ATRNL1: variants seen among roughly 807,000 people sequenced by gnomAD.
The protein encoded by ATRNL1 is attractin-like protein 1.
Under a neutral mutation model 182.7 loss-of-function variants are expected in ATRNL1, and 95 were observed. The observed-to-expected ratio is 0.52, with a 90% CI of 0.44 to 0.62. The LOEUF (loss-of-function observed/expected upper bound fraction) is 0.62, where lower values mean the gene tolerates loss of function less well. Ranked by LOEUF, ATRNL1 falls within the 20% of genes least tolerant of loss-of-function variation. The pLI is 0.00. For synonymous variants in ATRNL1, 576 were observed against 568.3 expected (o/e 1.01, Z -0.19); for missense variants, 1,471 against 1,679.5 (o/e 0.88, Z 2.17).
chr10:115,811,114 A>G (rs782732909), intron 27 of ATRNL1, among the ~76,000 whole-genome samples: 2 of 151,920 alleles, frequency 1.3e-5, no homozygotes, highest in Non-Finnish European at 2.9e-5. Context: ...ATAAGCATTT[A>G]ATGCTATAAA....
chr10:115,813,893 A>G (rs1418888189), intron 27 of ATRNL1, among the ~76,000 whole-genome samples: 2 of 152,168 alleles, frequency 1.3e-5, no homozygotes, highest in African/African-American at 4.8e-5. Flanking sequence ...ACATTCATAG[A>G]TCATCTTGTA....
intron 10 of ATRNL1, among the ~76,000 whole-genome samples, chr10:115,262,785 G>A (rs904877757): frequency 2.0e-5 from 3 of 151,948 alleles, no homozygotes; most frequent in African/African-American, 7.2e-5. Flanking sequence ...GTGAAAATAA[G>A]TTGACTCACC....
chr10:115,441,992 A>G (rs1235836525), intron 21 of ATRNL1, among the ~76,000 whole-genome samples: 2 of 151,868 alleles, frequency 1.3e-5, no homozygotes, highest in African/African-American at 2.4e-5. Flanking sequence ...AGGCACTGTC[A>G]TTTTGACTCT....
chr10:115,184,875 T>C (rs1191400820), intron 8 of ATRNL1, among the ~76,000 whole-genome samples: 1 of 152,006 alleles, frequency 6.6e-6, no homozygotes, highest in African/African-American at 2.4e-5. Flanking sequence ...GACTATGTGC[T>C]CTCAGTCGAG....
intron 28 of ATRNL1, among the ~76,000 whole-genome samples, chr10:115,901,048 G>A (rs1555113446): frequency 6.6e-6 from 1 of 152,080 alleles, no homozygotes; most frequent in Non-Finnish European, 1.5e-5. Flanking sequence ...TCATATCCTT[G>A]CCAGTGTGAA....
intron 25 of ATRNL1, among the ~76,000 whole-genome samples, chr10:115,520,442 C>T (rs916448519): frequency 8.5e-5 from 13 of 152,152 alleles, no homozygotes; most frequent in African/African-American, 2.9e-4. Context: ...AACTTTTCTG[C>T]TATAGTGTTA....
intron 13 of ATRNL1, among the ~76,000 whole-genome samples, chr10:115,272,454 C>T (rs1333114551): frequency 6.6e-6 from 1 of 152,108 alleles, no homozygotes; most frequent in African/African-American, 2.4e-5. Flanking sequence ...TCTTAATTTC[C>T]AATTCTATGG....
intron 26 of ATRNL1, among the ~76,000 whole-genome samples, chr10:115,577,704 T>C (rs972019402): frequency 6.6e-6 from 1 of 151,220 alleles, no homozygotes; most frequent in Non-Finnish European, 1.5e-5. Flanking sequence ...TAAGCAGTTA[T>C]AATTTTATTC....
At chr10:115,702,130 A>T (rs1555051694) in intron 26 of ATRNL1, among the ~76,000 whole-genome samples, 1 of 152,096 alleles carries the variant, frequency 6.6e-6, no homozygotes, top group Non-Finnish European at 1.5e-5. Context: ...CAAATAAATA[A>T]ATGTGATTCA....
intron 24 of ATRNL1, among the ~76,000 whole-genome samples, chr10:115,500,456 C>T (rs1341062178): frequency 6.6e-6 from 1 of 151,636 alleles, no homozygotes; most frequent in African/African-American, 2.4e-5. Flanking sequence ...TTTTTTTTCT[C>T]CAGTTTCCCG....
intron 3 of ATRNL1, among the ~76,000 whole-genome samples, chr10:115,124,992 A>G (rs1283302407): frequency 6.6e-6 from 1 of 152,206 alleles, no homozygotes; most frequent in African/African-American, 2.4e-5. Context: ...ATCGTGAGTA[A>G]AAGTATGAAG....
chr10:115,629,647 AG>A (rs1481274685), intron 26 of ATRNL1, among the ~76,000 whole-genome samples: 2 of 152,166 alleles, frequency 1.3e-5, no homozygotes, highest in Non-Finnish European at 2.9e-5. Context: ...CAGAGAGTCA[AG>A]ACTGAACTGT....
chr10:115,602,741 T>G lies in ATRNL1; in HGVS notation c.3795+53205T>G, dbSNP rs554814214. Among the ~76,000 whole-genome samples the G allele has an allele frequency of 7.9e-5, 12 of 151,804 alleles. No homozygotes were observed. In the East Asian group the frequency reaches 2.0e-3, roughly 25 times the overall value. On this transcript the variant is annotated intron_variant, in intron 26 of 28. Coordinates refer to ENST00000355044, the MANE Select transcript of ATRNL1 (RefSeq NM_207303.4). ...AGCCGGGCGTGGTGGCAGGCACCTGTAGTCACAGCTACTGAGGTAGGAGAA... is the reference window on the plus strand; with the variant it reads ...AGCCGGGCGTGGTGGCAGGCACCTGGAGTCACAGCTACTGAGGTAGGAGAA...
At chr10:115,383,486 A>C (rs1858149635) in intron 19 of ATRNL1, among the ~76,000 whole-genome samples, 1 of 151,812 alleles carries the variant, frequency 6.6e-6, no homozygotes, top group Non-Finnish European at 1.5e-5. Context: ...TGTGTATAAG[A>C]CTTGCAGACA....
chr10:115,248,253 A>G (rs1850728173), intron 10 of ATRNL1, among the ~76,000 whole-genome samples: 1 of 152,202 alleles, frequency 6.6e-6, no homozygotes, highest in Non-Finnish European at 1.5e-5. Flanking sequence ...ACTATACATT[A>G]TATGTATTGA....
chr10:115,316,139 T>G (rs1438691943), intron 18 of ATRNL1, among the ~76,000 whole-genome samples: 2 of 152,186 alleles, frequency 1.3e-5, no homozygotes, highest in Non-Finnish European at 2.9e-5. Flanking sequence ...CCCTGGTGCA[T>G]GTTGTTCCCC....
chr10:115,825,019 A>G (rs1361685396), intron 27 of ATRNL1, among the ~76,000 whole-genome samples: 2 of 152,226 alleles, frequency 1.3e-5, no homozygotes, highest in African/African-American at 4.8e-5. Flanking sequence ...AACTGTATAA[A>G]GAAAATGTGG....
chr10:115,882,489 A>G (rs532340991), intron 28 of ATRNL1, among the ~76,000 whole-genome samples: 1 of 152,022 alleles, frequency 6.6e-6, no homozygotes, highest in South Asian at 2.1e-4. Flanking sequence ...CACATGTGCT[A>G]TTTCGTACTT....
chr10:115,469,259 A>G lies in ATRNL1; in HGVS notation c.3584A>G (p.Asn1195Ser). ...GATAGTTTTTCCTATGAAAAATTTA[A>G]CTTTAGAAGCAATCCTAACATTACA... The part of the protein sequence containing the change: ...YRDSFSYEKF[N>S]FRSNPNITFY... Residue 1195 changes from asparagine to serine, a missense_variant, in exon 24 of 29, where the codon AAC becomes AGC. This residue lies in a region of ATRNL1 where 437 missense variants were observed against 506.0 expected (regional missense o/e 0.86). Coordinates refer to ENST00000355044, the MANE Select transcript of ATRNL1 (RefSeq NM_207303.4). 1 of 1,522,638 alleles carries G rather than the reference A, an allele frequency of 6.6e-7. No individual in the cohort carries two copies. Among genetic ancestry groups the G allele is most frequent in the Non-Finnish European group, 8.8e-7 (1 of 1,133,694 alleles). 94.3% of individuals were successfully genotyped at this position (1,522,638 alleles called of 1,614,324 possible).
Sources: gnomAD v4.1 joint callset for allele counts (sites outside exome capture counted in the v4.1 genomes callset) on GRCh38, gnomAD v4.1.1 for gene constraint, gnomAD v4.1.1 regional missense constraint, MANE v1.5 for transcripts, NCBI Gene and HGNC (gene_info 2026-07-23, HGNC 2026-07-21) for gene names.